Variants in HELZ observed in about 807,000 individuals in gnomAD.
HELZ encodes the protein helicase with zinc finger, also known as ATP-dependent RNA helicase with zinc finger domain.
HELZ carries 23 observed loss-of-function variants against 218.2 expected under a neutral mutation model. The observed-to-expected ratio is 0.11, with a 90% CI of 0.08 to 0.15. The LOEUF (loss-of-function observed/expected upper bound fraction) is 0.15, where lower values mean the gene tolerates loss of function less well. HELZ is among the 10% of genes least tolerant of loss of function. The pLI is 1.00. For synonymous variants in HELZ, 814 were observed against 829.4 expected, an observed-to-expected ratio of 0.98 and a Z score of 0.32; for missense variants, 1,813 against 2,353.7, an observed-to-expected ratio of 0.77 and a Z score of 4.75.
chr17:67,233,486 T>A (rs1044738433), intron 3 of HELZ, among the ~76,000 whole-genome samples: 4 of 152,212 alleles, frequency 2.6e-5, no homozygotes, highest in African/African-American at 9.6e-5. Flanking sequence ...CTTCAGCATT[T>A]CTCAGTGTGA....
chr17:67,232,052 CAAAAAAAAAAAA>C (rs754429326), intron 3 of HELZ, among the ~76,000 whole-genome samples: 1 of 42,484 alleles, frequency 2.4e-5, no homozygotes, highest in African/African-American at 6.9e-5. Flanking sequence ...GACTCCATCT[CAAAAAAAAAAAA>C]AAAAAAAAAA....
chr17:67,160,275 C>A lies in HELZ; in HGVS notation c.2163G>T (p.Gln721His), dbSNP rs1473785412. The change falls in exon 17 of 33, where the codon CAG (glutamine) becomes CAT (histidine). Residue 721 changes from glutamine to histidine, a missense_variant. Gln to His is a conservative substitution (Grantham distance 24). Around this residue, in one of 4 missense-constraint regions of HELZ, gnomAD observed 714 missense variants for 1,029.2 expected, o/e 0.69. Coordinates refer to ENST00000358691, the MANE Select transcript of HELZ (RefSeq NM_014877.4). ...AAAAAAAATACCTGAGAGGTCTTGCCTGGGGATTGCCTGCTTCTACATATG... is the reference window on the plus strand; with the variant it reads ...AAAAAAAATACCTGAGAGGTCTTGCATGGGGATTGCCTGCTTCTACATATG... ...LHPYVEAGNP[Q>H]ARPLRVYFRN... 6.2e-7 allele frequency: 1 copy of A among 1,604,104 alleles called. No homozygotes were observed. Among genetic ancestry groups the A allele is most frequent in the Admixed American group, 1.7e-5 (1 of 59,978 alleles).
chr17:67,153,422 C>A (rs1249358608), intron 17 of HELZ, among the ~76,000 whole-genome samples: 1 of 152,108 alleles, frequency 6.6e-6, no homozygotes, highest in Admixed American at 6.5e-5. Flanking sequence ...GCTTCTACTC[C>A]GTCAGTAAAA....
At chr17:67,210,213 A>G (rs1249638526) in intron 5 of HELZ, among the ~76,000 whole-genome samples, 1 of 152,226 alleles carries the variant, frequency 6.6e-6, no homozygotes, top group Non-Finnish European at 1.5e-5. Context: ...TGACACCATG[A>G]CATGCCATCT....
chr17:67,129,104 T>C (rs2037894749), intron 23 of HELZ, among the ~76,000 whole-genome samples: 1 of 152,116 alleles, frequency 6.6e-6, no homozygotes, highest in African/African-American at 2.4e-5. Context: ...GGCTCAACAA[T>C]GCAAGTAATA....
chr17:67,124,925 T>G (rs188889231), intron 24 of HELZ, among the ~76,000 whole-genome samples: 2 of 151,994 alleles, frequency 1.3e-5, no homozygotes, highest in African/African-American at 4.8e-5. Flanking sequence ...ATCAAGCCAA[T>G]TGAGGAAAAG....
At chr17:67,106,465 G>T (rs989700229) in intron 31 of HELZ, among the ~76,000 whole-genome samples, 1 of 151,448 alleles carries the variant, frequency 6.6e-6, no homozygotes, top group Non-Finnish European at 1.5e-5. Flanking sequence ...CCGCCACCAC[G>T]CCCAGCTAAT....
At chr17:67,157,074 C>A (rs879086984) in intron 17 of HELZ, among the ~76,000 whole-genome samples, 1 of 152,288 alleles carries the variant, frequency 6.6e-6, no homozygotes, top group African/African-American at 2.4e-5. Context: ...CATGTGACAT[C>A]CTGCTCCCCC....
rs1057221635 is a variant in HELZ at position 67,071,696 on chromosome 17, ACAATACC to A, written c.*6549_*6555del. On this transcript the variant is annotated 3_prime_UTR_variant, in exon 33 of 33. Coordinates refer to ENST00000358691, the MANE Select transcript of HELZ (RefSeq NM_014877.4). ...AAAACAGCAACAACACACAAATTAA[ACAATACC>A]CAAAGACCTGACAGGTTTATTATAT... The A allele has an allele frequency of 1.3e-5, 2 of 152,148 alleles. No individual in the cohort carries two copies. Among genetic ancestry groups the A allele is most frequent in the African/African-American group, 4.8e-5 (2 of 41,416 alleles). The allele number at this position is 152,148 out of a possible 1,614,324, so 9.4% of individuals were successfully genotyped here. A position where few individuals can be genotyped will look rare whatever the true frequency, so the allele number is the denominator to read the frequency against.
rs540204080 is a variant in HELZ at position 67,118,650 on chromosome 17, AG to A, written c.3838+1754del. On this transcript the variant is annotated intron_variant, in intron 27 of 32. Transcript: ENST00000358691. ...AGGATTGCTTGAGCCCAGGAGTTCA[AG>A]GTCAGACTGCCCAACACAGCAAGAC... Among the ~76,000 whole-genome samples the A allele has an allele frequency of 1.6e-3, 223 of 137,666 alleles. 1 individual carries two copies. The highest frequency in any genetic ancestry group is 5.7e-3 in the African/African-American group (216 of 37,974). The allele number at this position is 137,666 out of a possible 152,430, so 90.3% of individuals were successfully genotyped here.
intron 13 of HELZ, among the ~76,000 whole-genome samples, chr17:67,168,911 G>T (rs1238683223): frequency 6.6e-6 from 1 of 152,240 alleles, no homozygotes; most frequent in African/African-American, 2.4e-5. Flanking sequence ...GGCCAACATG[G>T]TGAAACCCTG....
rs771988015 is a variant in HELZ, at chr17:67,218,686, G to T, written c.119C>A (p.Ser40Tyr). The change falls in exon 4 of 33, where the codon TCC (serine) becomes TAC (tyrosine). Residue 40 changes from serine to tyrosine, a missense_variant. By Grantham distance (144) the Ser-to-Tyr change is moderately radical. Around this residue, in one of 4 missense-constraint regions of HELZ, gnomAD observed 714 missense variants for 1,029.2 expected, o/e 0.69. Transcript: ENST00000358691. ...TEALLSLGQYSMADFTGPCPL... is the reference protein window; with the variant it reads ...TEALLSLGQYYMADFTGPCPL... ...ACAAGGCCCTGTGAAGTCTGCCATG[G>T]AGTACTGGCCAAGAGAAAGAAGGGC... 6.2e-7 allele frequency: 1 copy of T among 1,614,136 alleles called. No individual in the cohort carries two copies. The highest frequency in any genetic ancestry group is 8.5e-7 in the Non-Finnish European group (1 of 1,180,012).
chr17:67,236,895 CTGAG>C (rs1425334444), intron 3 of HELZ, among the ~76,000 whole-genome samples: 2 of 152,160 alleles, frequency 1.3e-5, no homozygotes, highest in Non-Finnish European at 2.9e-5. Flanking sequence ...TTGGCCTTGA[CTGAG>C]TGTTTTCATA....
At chr17:67,134,101 C>T (rs1361898149) in intron 23 of HELZ, among the ~76,000 whole-genome samples, 3 of 152,094 alleles carry the variant, frequency 2.0e-5, no homozygotes, top group East Asian at 1.9e-4. Flanking sequence ...AAGGTATTCT[C>T]GACTAGGCGC....
chr17:67,107,880 C>A (rs2037157293), intron 30 of HELZ, among the ~76,000 whole-genome samples, 195 bp from the exon 31 acceptor site: 1 of 152,132 alleles, frequency 6.6e-6, no homozygotes, highest in African/African-American at 2.4e-5. Flanking sequence ...GCTCAATTAC[C>A]TGATTTCTTT....
intron 8 of HELZ, 61 bp from the exon 9 acceptor site, chr17:67,194,103 AATGTGTAAGAG>A: frequency 8.6e-7 from 1 of 1,156,520 alleles, no homozygotes; most frequent in South Asian, 1.3e-5. Context: ...CTGATATTTT[AATGTGTAAGAG>A]ATACTACAAT....
At chr17:67,206,932 G>A (rs1465080670) in intron 5 of HELZ, among the ~76,000 whole-genome samples, 1 of 149,926 alleles carries the variant, frequency 6.7e-6, no homozygotes, top group Non-Finnish European at 1.5e-5. Flanking sequence ...TTTTTTTTGA[G>A]ACAGAGTTTC....
intron 28 of HELZ, among the ~76,000 whole-genome samples, chr17:67,111,423 C>T (rs2037276843): frequency 6.6e-6 from 1 of 152,182 alleles, no homozygotes; most frequent in Non-Finnish European, 1.5e-5. Context: ...AATCTCCTTA[C>T]AAGTTTCACT....
chr17:67,218,323 A>G (rs1298936154), intron 4 of HELZ, among the ~76,000 whole-genome samples: 14 of 152,290 alleles, frequency 9.2e-5, no homozygotes, highest in African/African-American at 3.4e-4. Context: ...CTCTTTCATC[A>G]ATATATATAA....
Sources: gnomAD v4.1 joint callset for allele counts (sites outside exome capture counted in the v4.1 genomes callset) on GRCh38, gnomAD v4.1.1 for gene constraint, gnomAD v4.1.1 regional missense constraint, MANE v1.5 for transcripts, NCBI Gene and HGNC (gene_info 2026-07-23, HGNC 2026-07-21) for gene names.